NELL1: variants seen among roughly 807,000 people sequenced by gnomAD.
NELL1 encodes the protein protein kinase C-binding protein NELL1.
In NELL1, 76 loss-of-function variants were observed where a neutral mutation model predicts 107.4. The ratio of observed to expected loss-of-function variants is 0.71; its 90% CI spans 0.59 to 0.86. NELL1 has a LOEUF of 0.86. NELL1 is among the 40% of genes least tolerant of loss of function. The pLI, the probability that NELL1 is intolerant of heterozygous loss-of-function variation, is 0.00. For missense variants in NELL1, 1,024 were observed against 1,005.5 expected (o/e 1.02, Z -0.25); for synonymous variants, 353 against 341.2 (o/e 1.03, Z -0.38).
At chr11:20,997,829 C>G (rs1200889910) in intron 12 of NELL1, among the ~76,000 whole-genome samples, 2 of 151,836 alleles carry the variant, frequency 1.3e-5, no homozygotes, top group African/African-American at 4.8e-5. Flanking sequence ...AACAAATTAG[C>G]TGGGTGTGAT....
At chr11:20,859,654 A>G (rs1275498437) in intron 4 of NELL1, among the ~76,000 whole-genome samples, 1 of 152,182 alleles carries the variant, frequency 6.6e-6, no homozygotes, top group Non-Finnish European at 1.5e-5. Flanking sequence ...GGACTTTGCA[A>G]TTGAAGGTCT....
chr11:21,141,872 T>G lies in NELL1; in HGVS notation c.1426+28158T>G, dbSNP rs1565080256. On this transcript the variant is annotated intron_variant, in intron 13 of 19. Coordinates refer to ENST00000357134, the MANE Select transcript of NELL1 (RefSeq NM_006157.5). The stretch of plus-strand genomic sequence containing the variant: ...TCCACCTCCTGGGTTCAAGCAATTC[T>G]CCTTCCTAAGCCTCCGGAGTAGCTG... 2.6e-5 allele frequency among the ~76,000 whole-genome samples: 4 copies of G among 152,222 alleles called. No individual in the cohort carries two copies. In the South Asian group the frequency reaches 6.2e-4, roughly 24 times the overall value.
intron 13 of NELL1, among the ~76,000 whole-genome samples, chr11:21,219,976 G>A: frequency 6.6e-6 from 1 of 152,280 alleles, no homozygotes; most frequent in Non-Finnish European, 1.5e-5. Context: ...GGAACAGGAG[G>A]AAGAGAGCAA....
chr11:21,161,871 A>G (rs1330153657), intron 13 of NELL1, among the ~76,000 whole-genome samples: 1 of 149,666 alleles, frequency 6.7e-6, no homozygotes, highest in East Asian at 2.0e-4. Context: ...CTAATTTCAC[A>G]TGTGGCTAAT....
intron 12 of NELL1, among the ~76,000 whole-genome samples, chr11:21,104,028 C>T (rs1029250018): frequency 6.6e-6 from 1 of 152,116 alleles, no homozygotes; most frequent in Non-Finnish European, 1.5e-5. Flanking sequence ...TTTTGAATTT[C>T]CTTTTCCAAT....
intron 7 of NELL1, among the ~76,000 whole-genome samples, chr11:20,926,108 G>C (rs914971945): frequency 5.3e-5 from 8 of 152,146 alleles, no homozygotes; most frequent in African/African-American, 1.9e-4. Flanking sequence ...TAATTTTCTA[G>C]GAAACGATAC....
Position 20,783,843 on chromosome 11 carries a change from T to C in NELL1, c.335+13T>C. The C allele has an allele frequency of 1.3e-6, 2 of 1,599,990 alleles. No homozygotes were observed. The highest frequency in any genetic ancestry group is 1.7e-6 in the Non-Finnish European group (2 of 1,173,278). Reference sequence around the variant, plus strand: ...AACTGGAGCACAGGTAAGAAAGCTCTTTCTGCTTTTGAAAATCTCCTTAGA... The same window carrying C: ...AACTGGAGCACAGGTAAGAAAGCTCCTTCTGCTTTTGAAAATCTCCTTAGA... On this transcript the variant is annotated intron_variant, in intron 3 of 19. Transcript: ENST00000357134.
intron 15 of NELL1, among the ~76,000 whole-genome samples, chr11:21,471,671 A>G (rs558636871): frequency 1.5e-4 from 23 of 152,212 alleles, no homozygotes. Flanking sequence ...CCATTAAAGA[A>G]ATGAAGAAAG....
intron 12 of NELL1, among the ~76,000 whole-genome samples, chr11:20,969,981 A>G (rs1851462556): frequency 6.6e-6 from 1 of 152,104 alleles, no homozygotes; most frequent in Non-Finnish European, 1.5e-5. Flanking sequence ...CATTGGCAGT[A>G]TTTGTTCTAG....
chr11:21,035,946 A>G (rs905625342), intron 12 of NELL1, among the ~76,000 whole-genome samples: 7 of 152,114 alleles, frequency 4.6e-5, no homozygotes, highest in African/African-American at 1.7e-4. Context: ...AAGTCAAACT[A>G]TCCTTGTTTG....
rs114894771 is a variant in NELL1 at position 21,060,223 on chromosome 11, C to T, written c.1301-53366C>T. On this transcript the variant is annotated intron_variant, in intron 12 of 19. Transcript: ENST00000357134. ...AGCCTGGTCTTGAATCTTGACTCTGCTACTTATTATCTTTGGGACACTGGG... is the reference window on the plus strand; with the variant it reads ...AGCCTGGTCTTGAATCTTGACTCTGTTACTTATTATCTTTGGGACACTGGG... Among the ~76,000 whole-genome samples the T allele has an allele frequency of 9.8e-3, 1,493 of 152,240 alleles. 28 individuals carry two copies. The highest frequency in any genetic ancestry group is 0.033 in the African/African-American group (1,375 of 41,548).
rs11026034 is a variant in NELL1, at chr11:21,342,659, G to A, written c.1550-28194G>A. Among the ~76,000 whole-genome samples the A allele has an allele frequency of 2.1e-3, 268 of 129,260 alleles. 2 individuals are homozygous for A. The highest frequency in any genetic ancestry group is 6.7e-3 in the African/African-American group (229 of 33,970). The allele number at this position is 129,260 out of a possible 152,430, so 84.8% of individuals were successfully genotyped here. A position where few individuals can be genotyped will look rare whatever the true frequency, so the allele number is the denominator to read the frequency against. ...ACTGTCTTTAAAAAAAAAAAAAAAA[G>A]AAAAAGAAAAAGAAAAGAAAGAGAT... On this transcript the variant is annotated intron_variant, in intron 14 of 19. Coordinates refer to ENST00000357134, the MANE Select transcript of NELL1 (RefSeq NM_006157.5).
intron 13 of NELL1, among the ~76,000 whole-genome samples, chr11:21,135,688 A>G (rs958139093): frequency 6.6e-6 from 1 of 152,242 alleles, no homozygotes; most frequent in South Asian, 2.1e-4. Flanking sequence ...GAATTATAGC[A>G]TATAGAATCA....
chr11:21,394,538 T>C (rs1851943039), intron 15 of NELL1, among the ~76,000 whole-genome samples: 1 of 151,496 alleles, frequency 6.6e-6, no homozygotes, highest in Non-Finnish European at 1.5e-5. Flanking sequence ...TATGCAGCTC[T>C]TATTAGCAGA....
chr11:21,568,869 CTT>C (rs60723180), intron 17 of NELL1, among the ~76,000 whole-genome samples: 6,994 of 147,680 alleles, frequency 0.047, 464 homozygotes, highest in African/African-American at 0.15. Context: ...TTAGTTATCT[CTT>C]TTTTTTTTTT....
At chr11:20,799,188 GT>G (rs1318438590) in intron 3 of NELL1, among the ~76,000 whole-genome samples, 1 of 152,346 alleles carries the variant, frequency 6.6e-6, no homozygotes, top group Non-Finnish European at 1.5e-5. Flanking sequence ...GAAGGATCCA[GT>G]TTGGTATGTT....
chr11:20,775,021 T>C (rs940098653), intron 2 of NELL1, among the ~76,000 whole-genome samples: 2 of 152,248 alleles, frequency 1.3e-5, no homozygotes, highest in Admixed American at 6.5e-5. Flanking sequence ...AGCAAGGTGA[T>C]TGGTGCTTAT....
intron 3 of NELL1, among the ~76,000 whole-genome samples, chr11:20,840,605 G>A (rs775063736): frequency 5.3e-5 from 8 of 152,242 alleles, no homozygotes; most frequent in Non-Finnish European, 1.2e-4. Context: ...CTCACAGCAA[G>A]GTGGCCTCAG....
intron 15 of NELL1, among the ~76,000 whole-genome samples, chr11:21,533,315 T>C (rs1241849983): frequency 6.6e-6 from 1 of 152,196 alleles, no homozygotes; most frequent in Non-Finnish European, 1.5e-5. Context: ...TGATGCTTCT[T>C]ATAGGCCCTG....
Sources: gnomAD v4.1 joint callset for allele counts (sites outside exome capture counted in the v4.1 genomes callset) on GRCh38, gnomAD v4.1.1 for gene constraint, MANE v1.5 for transcripts, NCBI Gene and HGNC (gene_info 2026-07-23, HGNC 2026-07-21) for gene names.